The following MTREX variants were observed in gnomAD, a reference collection of about 807,000 sequenced individuals.
MTREX encodes Mtr4 exosome RNA helicase.
In MTREX, 76 loss-of-function variants were observed where a neutral mutation model predicts 135.4. The observed-to-expected ratio is 0.56, with a 90% CI of 0.47 to 0.68. The LOEUF (loss-of-function observed/expected upper bound fraction) is 0.68. MTREX is among the 30% of genes least tolerant of loss of function. The pLI, the probability that MTREX is intolerant of heterozygous loss-of-function variation, is 0.00. For missense variants in MTREX, 920 were observed against 1,262.1 expected, an observed-to-expected ratio of 0.73 and a Z score of 4.11; for synonymous variants, 404 against 401.6, an observed-to-expected ratio of 1.01 and a Z score of -0.07.
chr5:55,380,040 A>G (rs1325616809), intron 18 of MTREX, among the ~76,000 whole-genome samples: 1 of 151,754 alleles, frequency 6.6e-6, no homozygotes, highest in African/African-American at 2.4e-5. Flanking sequence ...GTTTCATGCC[A>G]TTCTCCTGCC....
intron 18 of MTREX, 117 bp downstream of exon 18, chr5:55,379,312 T>TA: frequency 1.7e-6 from 1 of 603,984 alleles, no homozygotes; most frequent in Non-Finnish European, 2.8e-6. Flanking sequence ...AGTAATAAAT[T>TA]CTGCCATGAG....
At chr5:55,401,278 A>G (rs230790) in intron 21 of MTREX, among the ~76,000 whole-genome samples, 130,611 of 151,810 alleles carry the variant, frequency 0.86, 56,565 homozygotes, top group South Asian at 0.92. Context: ...CATATTATCC[A>G]CTTGCCTCAG....
In MTREX at chr5:55,324,183, A is replaced by G. The variant is rs150992539; in HGVS notation, c.324A>G (p.Glu108=). 6.0e-5 allele frequency: 96 copies of G among 1,610,324 alleles called. 1 individual carries two copies. In the African/African-American group the frequency reaches 1.1e-3, roughly 19 times the overall value. Residue 108 remains glutamate, a synonymous_variant, in exon 3 of 27, where the codon GAA becomes GAG. Coordinates refer to ENST00000230640, the MANE Select transcript of MTREX (RefSeq NM_015360.5). ...AGGTACAATCAGTTGAAACTGTTGAAGGGTGTACACATGAGGTAAGCACAA... is the reference window on the plus strand; with the variant it reads ...AGGTACAATCAGTTGAAACTGTTGAGGGGTGTACACATGAGGTAAGCACAA... ...RVKVQSVETV[E]GCTHEVALPA...
Position 55,422,889 on chromosome 5 carries a change from C to T in MTREX, c.2983C>T (p.Arg995Cys). 6.2e-7 allele frequency: 1 copy of T among 1,612,930 alleles called. No individual in the cohort carries two copies. Among genetic ancestry groups the T allele is most frequent in the Non-Finnish European group, 8.5e-7 (1 of 1,179,446 alleles). Residue 995 changes from arginine (R) to cysteine (C), a missense_variant, in exon 26 of 27, where the codon CGT becomes TGT. This residue lies in a region of MTREX where 467 missense variants were observed against 589.7 expected (regional missense o/e 0.79). Transcript: ENST00000230640. ...CCTTTTCTATCCAGGCAGCATAATT[C>T]GTTGTATGAGGCGCCTGGAAGAATT... ...MTDVFEGSII[R>C]CMRRLEELLR... is the part of the protein sequence containing the mutation.
At chr5:55,383,190 G>A (rs1750425067) in intron 18 of MTREX, among the ~76,000 whole-genome samples, 2 of 151,950 alleles carry the variant, frequency 1.3e-5, no homozygotes, top group South Asian at 4.2e-4. Flanking sequence ...TTATACAACT[G>A]CTTTTTAAAT....
intron 11 of MTREX, among the ~76,000 whole-genome samples, chr5:55,348,628 A>G (rs912159351): frequency 1.3e-5 from 2 of 152,284 alleles, no homozygotes; most frequent in South Asian, 2.1e-4. Context: ...CTACTTTTCC[A>G]TGAGTAAAAG....
chr5:55,323,355 C>G (rs774033320), intron 2 of MTREX, among the ~76,000 whole-genome samples: 6 of 152,078 alleles, frequency 3.9e-5, no homozygotes. Flanking sequence ...TTCAGTTTAT[C>G]CAGTTTTGCC....
intron 16 of MTREX, among the ~76,000 whole-genome samples, chr5:55,369,454 GTTTCTT>G (rs1328450092): frequency 6.6e-6 from 1 of 152,054 alleles, no homozygotes; most frequent in Non-Finnish European, 1.5e-5. Flanking sequence ...CCTTTGTTTT[GTTTCTT>G]TTTCTTTTTA....
In MTREX at chr5:55,400,356, T is replaced by G. The variant is rs755088287; in HGVS notation, c.2416T>G (p.Ser806Ala). 2.5e-6 allele frequency: 4 copies of G among 1,613,398 alleles called. No individual in the cohort carries two copies. In the East Asian group the frequency reaches 8.9e-5, roughly 36 times the overall value. Residue 806 changes from serine to alanine, a missense_variant, in exon 21 of 27, where the codon TCT (serine) becomes GCT (alanine). Around this residue, in one of 6 missense-constraint regions of MTREX, gnomAD observed 467 missense variants for 589.7 expected, o/e 0.79. Coordinates refer to ENST00000230640, the MANE Select transcript of MTREX (RefSeq NM_015360.5). ...KVEAFEHRMYSHPLHNDPNLE... is the reference protein window; with the variant it reads ...KVEAFEHRMYAHPLHNDPNLE... ...AGAAGCTTTTGAGCATCGAATGTAT[T>G]CTCATCCACTTCACAATGATCCAAA...
At chr5:55,359,214 C>T (rs1405875938) in intron 15 of MTREX, among the ~76,000 whole-genome samples, 3 of 152,150 alleles carry the variant, frequency 2.0e-5, no homozygotes, top group African/African-American at 7.2e-5. Flanking sequence ...TTTTATTTTG[C>T]TTGCTTAGTA....
At chr5:55,382,663 C>CT (rs1750415446) in intron 18 of MTREX, among the ~76,000 whole-genome samples, 1 of 152,034 alleles carries the variant, frequency 6.6e-6, no homozygotes, top group South Asian at 2.1e-4. Context: ...AAGTCTCACT[C>CT]TGTCGCCCAG....
At chr5:55,362,083 A>ATTTTTT (rs35074192) in intron 15 of MTREX, among the ~76,000 whole-genome samples, 3,587 of 110,872 alleles carry the variant, frequency 0.032, 158 homozygotes, top group East Asian at 0.14. Flanking sequence ...CGTCTGGCTA[A>ATTTTTT]TTTTTTTTTT....
intron 5 of MTREX, among the ~76,000 whole-genome samples, chr5:55,331,689 C>A (rs1749477568): frequency 6.6e-6 from 1 of 152,220 alleles, no homozygotes; most frequent in African/African-American, 2.4e-5. Flanking sequence ...TTCTGCCCTG[C>A]AAACTCCAGC....
intron 19 of MTREX, among the ~76,000 whole-genome samples, chr5:55,392,428 A>G (rs917693971): frequency 6.6e-6 from 1 of 151,850 alleles, no homozygotes; most frequent in African/African-American, 2.4e-5. Context: ...TGGTAGCTTC[A>G]GCTATTCGAG....
intron 10 of MTREX, among the ~76,000 whole-genome samples, chr5:55,345,626 T>C (rs575908360): frequency 1.3e-5 from 2 of 152,238 alleles, no homozygotes; most frequent in South Asian, 4.1e-4. Context: ...ACTGGCTTCT[T>C]TCACTTAATG....
At chr5:55,409,650 A>G (rs1353866631) in intron 22 of MTREX, among the ~76,000 whole-genome samples, 1 of 152,222 alleles carries the variant, frequency 6.6e-6, no homozygotes, top group Non-Finnish European at 1.5e-5. Flanking sequence ...TGATGATGCA[A>G]AAGAGGAATC....
chr5:55,342,676 TA>T (rs1749670861), intron 7 of MTREX, among the ~76,000 whole-genome samples: 1 of 152,214 alleles, frequency 6.6e-6, no homozygotes, highest in Non-Finnish European at 1.5e-5. Context: ...ACTAGCTCAC[TA>T]AATCAGCCTG....
chr5:55,381,419 C>T (rs1434649633), intron 18 of MTREX, among the ~76,000 whole-genome samples: 1 of 152,148 alleles, frequency 6.6e-6, no homozygotes, highest in African/African-American at 2.4e-5. Flanking sequence ...TTTCCCTCTA[C>T]AGACGCTTTA....
At position 55,405,512 on chromosome 5, in the gene MTREX, G is replaced by T; in HGVS notation, c.2569G>T (p.Val857Phe). 6.2e-7 allele frequency: 1 copy of T among 1,613,948 alleles called. No homozygotes were observed. ...QMDELKCRKR[V>F]LRRLGFATSS... ...GGATGAACTCAAATGTCGCAAACGT[G>T]TTTTAAGAAGGTTGGGATTTGCTAC... The change falls in exon 22 of 27, where the codon GTT (valine) becomes TTT (phenylalanine). Residue 857 changes from valine (V) to phenylalanine (F), a missense_variant. Around this residue, in one of 6 missense-constraint regions of MTREX, gnomAD observed 467 missense variants for 589.7 expected, o/e 0.79. Coordinates refer to ENST00000230640, the MANE Select transcript of MTREX (RefSeq NM_015360.5).
Sources: gnomAD v4.1 joint callset for allele counts (sites outside exome capture counted in the v4.1 genomes callset) on GRCh38, gnomAD v4.1.1 for gene constraint, gnomAD v4.1.1 regional missense constraint, MANE v1.5 for transcripts, NCBI Gene and HGNC (gene_info 2026-07-23, HGNC 2026-07-21) for gene names.